KIRREL3: variants seen among roughly 807,000 people sequenced by gnomAD.
KIRREL3 encodes the protein kirre like nephrin family adhesion molecule 3.
In KIRREL3, 36 loss-of-function variants were observed where a neutral mutation model predicts 89.7. The ratio of observed to expected loss-of-function variants is 0.40; its 90% CI spans 0.31 to 0.53. KIRREL3 has a LOEUF of 0.53. Ranked by LOEUF, KIRREL3 falls within the 20% of genes least tolerant of loss-of-function variation. The probability of loss-of-function intolerance (pLI) is 0.49; values close to 1 mark genes in which losing one functional copy is unlikely to be tolerated. For synonymous variants in KIRREL3, 445 were observed against 441.4 expected, an observed-to-expected ratio of 1.01 and a Z score of -0.10; for missense variants, 864 against 1,056.6, an observed-to-expected ratio of 0.82 and a Z score of 2.53.
rs1943569434 is a variant in KIRREL3 at position 126,830,527 on chromosome 11, G to A, written c.55+169928C>T. Among the ~76,000 whole-genome samples the A allele has an allele frequency of 6.6e-6, 1 of 152,166 alleles. No individual in the cohort carries two copies. Among genetic ancestry groups the A allele is most frequent in the Non-Finnish European group, 1.5e-5 (1 of 68,032 alleles). On this transcript the variant is annotated intron_variant, in intron 1 of 16. Coordinates refer to ENST00000525144, the MANE Select transcript of KIRREL3 (RefSeq NM_032531.4). The surrounding 1 kb of genome is among the most constrained non-coding windows in gnomAD (Gnocchi z 4.9). ...AAGGAGCTCACATTTACAATTAAAT[G>A]AGGGACTTATCCTTTTGCATCCCTG...
In KIRREL3 at chr11:126,993,367, T is replaced by C. The variant is rs1360707394; in HGVS notation, c.55+7088A>G. Among the ~76,000 whole-genome samples, 3 of 152,248 alleles carry C rather than the reference T, an allele frequency of 2.0e-5. No individual in the cohort carries two copies. The highest frequency in any genetic ancestry group is 4.8e-5 in the African/African-American group (2 of 41,460). ...GCCCATGGCTTCTGAACATATCGCA[T>C]TCTGTTCTGCCTTTTGTATTTGCAT... On this transcript the variant is annotated intron_variant, in intron 1 of 16. Transcript: ENST00000525144. The surrounding 1 kb of genome is among the most constrained non-coding windows in gnomAD (Gnocchi z 6.1).
rs190484150 is a variant in KIRREL3, at chr11:126,791,428, C to T, written c.55+209027G>A. Among the ~76,000 whole-genome samples, 2 of 152,196 alleles carry T rather than the reference C, an allele frequency of 1.3e-5. No homozygotes were observed. The highest frequency in any genetic ancestry group is 1.9e-4 in the East Asian group (1 of 5,196). On this transcript the variant is annotated intron_variant, in intron 1 of 16. Transcript: ENST00000525144. This position sits in a 1 kb window ranked among gnomAD's most constrained non-coding sequence, Gnocchi z 4.8. ...AGCTTCAGCTTGGCCTCAGCTTATG[C>T]GGAGTGAAAGCCCAGCCACTCCTGA...
rs1940811568 is a variant in KIRREL3, at chr11:126,570,092, A to G, written c.56-7180T>C. On this transcript the variant is annotated intron_variant, in intron 1 of 16. Transcript: ENST00000525144. This position sits in a 1 kb window ranked among gnomAD's most constrained non-coding sequence, Gnocchi z 6.1. ...GAGTAGCAAAGGTATATTAATCCTGACTAGTGCCTGGCCCTGGACCTCCAG... is the reference window on the plus strand; with the variant it reads ...GAGTAGCAAAGGTATATTAATCCTGGCTAGTGCCTGGCCCTGGACCTCCAG... 6.6e-6 allele frequency among the ~76,000 whole-genome samples: 1 copy of G among 152,152 alleles called. No individual in the cohort carries two copies. Among genetic ancestry groups the G allele is most frequent in the South Asian group, 2.1e-4 (1 of 4,818 alleles).
At chr11:126,980,190 G>A (rs1367606145) in intron 1 of KIRREL3, among the ~76,000 whole-genome samples, 1 of 152,172 alleles carries the variant, frequency 6.6e-6, no homozygotes. Flanking sequence ...TAAGCTAAGG[G>A]AACAGCATAA....
In KIRREL3 at chr11:126,791,686, G is replaced by T. The variant is rs2134360638; in HGVS notation, c.55+208769C>A. On this transcript the variant is annotated intron_variant, in intron 1 of 16. Transcript: ENST00000525144. The surrounding 1 kb of genome is among the most constrained non-coding windows in gnomAD (Gnocchi z 4.8). ...CAGGGGCCCAGATTCCCATGGCCAGGCCAGGTGTGAATGAGTCTGAGCCCA... is the reference window on the plus strand; with the variant it reads ...CAGGGGCCCAGATTCCCATGGCCAGTCCAGGTGTGAATGAGTCTGAGCCCA... 6.6e-6 allele frequency among the ~76,000 whole-genome samples: 1 copy of T among 152,330 alleles called. No homozygotes were observed. The highest frequency in any genetic ancestry group is 1.5e-5 in the Non-Finnish European group (1 of 68,036).
At chr11:126,679,609 T>C (rs1296958464) in intron 1 of KIRREL3, among the ~76,000 whole-genome samples, 1 of 152,178 alleles carries the variant, frequency 6.6e-6, no homozygotes, top group Non-Finnish European at 1.5e-5. Context: ...TATTGTGACT[T>C]TGTAGACAGT....
intron 1 of KIRREL3, among the ~76,000 whole-genome samples, chr11:126,634,991 C>T (rs1159068682): frequency 1.3e-5 from 2 of 152,214 alleles, no homozygotes; most frequent in East Asian, 1.9e-4. Flanking sequence ...TTGCTCCACT[C>T]AGCAAGTGGG....
intron 1 of KIRREL3, among the ~76,000 whole-genome samples, chr11:126,593,934 G>A (rs7927242): frequency 0.01 from 1,565 of 152,230 alleles, 26 homozygotes; most frequent in African/African-American, 0.036. Flanking sequence ...CCACCCAGAG[G>A]GCAAGGCCAG....
intron 1 of KIRREL3, among the ~76,000 whole-genome samples, chr11:126,757,411 G>T (rs1949539851): frequency 6.6e-6 from 1 of 152,156 alleles, no homozygotes; most frequent in South Asian, 2.1e-4. Flanking sequence ...CCTCAGCTCA[G>T]ACCTCTGGGA....
At chr11:126,865,524 C>T (rs1944890493) in intron 1 of KIRREL3, among the ~76,000 whole-genome samples, 1 of 152,222 alleles carries the variant, frequency 6.6e-6, no homozygotes, top group Non-Finnish European at 1.5e-5. Context: ...ACAGCAGAAT[C>T]CCATGGGGGT....
chr11:126,994,144 A>G lies in KIRREL3; in HGVS notation c.55+6311T>C, dbSNP rs1950114127. 6.6e-6 allele frequency among the ~76,000 whole-genome samples: 1 copy of G among 152,194 alleles called. No individual in the cohort carries two copies. The highest frequency in any genetic ancestry group is 2.1e-4 in the South Asian group (1 of 4,826). On this transcript the variant is annotated intron_variant, in intron 1 of 16. Transcript: ENST00000525144. The surrounding 1 kb of genome is among the most constrained non-coding windows in gnomAD (Gnocchi z 5.2). ...GTGAGAGCATAGCTCCCATTTGAGA[A>G]AAGTGGCTGATTCTGGAGATATCAC...
chr11:126,745,920 C>T (rs1055541448), intron 1 of KIRREL3, among the ~76,000 whole-genome samples: 2 of 152,224 alleles, frequency 1.3e-5, no homozygotes, highest in Non-Finnish European at 2.9e-5. Context: ...AAGGGGCACA[C>T]TAGTGGTTAC....
rs1591820304 is a variant in KIRREL3 at position 126,615,024 on chromosome 11, GA to G, written c.56-52113del. Among the ~76,000 whole-genome samples, 1 of 152,278 alleles carries G rather than the reference GA, an allele frequency of 6.6e-6. No individual in the cohort carries two copies. Among genetic ancestry groups the G allele is most frequent in the East Asian group, 1.9e-4 (1 of 5,172 alleles). On this transcript the variant is annotated intron_variant, in intron 1 of 16. Coordinates refer to ENST00000525144, the MANE Select transcript of KIRREL3 (RefSeq NM_032531.4). The surrounding 1 kb of genome is among the most constrained non-coding windows in gnomAD (Gnocchi z 5.4). Reference sequence around the variant, plus strand: ...GAGAGGCGTGATTTGCGGTCTTCAAGAGGCTGAAAGGCTGTCATGTGGAAGA... The same window carrying G: ...GAGAGGCGTGATTTGCGGTCTTCAAGGGCTGAAAGGCTGTCATGTGGAAGA...
rs1284548300 is a variant in KIRREL3, at chr11:126,991,890, A to C, written c.55+8565T>G. On this transcript the variant is annotated intron_variant, in intron 1 of 16. Transcript: ENST00000525144. This position sits in a 1 kb window ranked among gnomAD's most constrained non-coding sequence, Gnocchi z 5.8. ...CCAGCATCTTGAGGAACATCAAGGC[A>C]CATGAATAAGTGAACCAGACTGAAA... 6.6e-6 allele frequency among the ~76,000 whole-genome samples: 1 copy of C among 152,236 alleles called. No homozygotes were observed. Among genetic ancestry groups the C allele is most frequent in the African/African-American group, 2.4e-5 (1 of 41,464 alleles).
intron 4 of KIRREL3, among the ~76,000 whole-genome samples, chr11:126,480,815 T>C (rs1383924497): frequency 1.3e-5 from 2 of 152,244 alleles, no homozygotes; most frequent in Admixed American, 6.5e-5. Context: ...ATGTTGTTTG[T>C]AGTCCGCCCA....
chr11:126,716,745 T>G (rs1947977891), intron 1 of KIRREL3, among the ~76,000 whole-genome samples: 1 of 11,376 alleles, frequency 8.8e-5, no homozygotes, highest in Admixed American at 1.3e-3. Context: ...AGTGTGTGTG[T>G]GTTGGGGGGG....
Position 126,697,661 on chromosome 11 carries a change from G to T in KIRREL3, c.56-134749C>A, listed in dbSNP as rs1043447757. On this transcript the variant is annotated intron_variant, in intron 1 of 16. Transcript: ENST00000525144. The surrounding 1 kb of genome is among the most constrained non-coding windows in gnomAD (Gnocchi z 4.2). ...TAATAACCTGAACTCATGTAAAAGT[G>T]GCTCTTTCCTCCCAGTCCAAACCAC... 5.9e-5 allele frequency among the ~76,000 whole-genome samples: 9 copies of T among 152,214 alleles called. No homozygotes were observed. The highest frequency in any genetic ancestry group is 1.2e-4 in the Non-Finnish European group (8 of 68,036).
Position 126,912,850 on chromosome 11 carries a change from C to A in KIRREL3, c.55+87605G>T, listed in dbSNP as rs940337278. Among the ~76,000 whole-genome samples, 1 of 152,242 alleles carries A rather than the reference C, an allele frequency of 6.6e-6. No homozygotes were observed. The highest frequency in any genetic ancestry group is 1.5e-5 in the Non-Finnish European group (1 of 68,050). On this transcript the variant is annotated intron_variant, in intron 1 of 16. Transcript: ENST00000525144. This position sits in a 1 kb window ranked among gnomAD's most constrained non-coding sequence, Gnocchi z 4.7. ...TAGTGATGAAATTTCTTGGCCACTA[C>A]TGGCCATTCATGATCATAATTACCA...
chr11:126,464,200 T>C (rs1047769102), intron 5 of KIRREL3, among the ~76,000 whole-genome samples: 4 of 151,968 alleles, frequency 2.6e-5, no homozygotes, highest in African/African-American at 9.7e-5. Context: ...CAATGACTGG[T>C]GTCCTTGGAA....
Sources: allele counts gnomAD v4.1 joint callset (sites outside exome capture counted in the v4.1 genomes callset), GRCh38; gene constraint gnomAD v4.1.1; non-coding constraint Gnocchi (gnomAD v3.1); transcripts MANE v1.5; gene names NCBI Gene and HGNC (gene_info 2026-07-23, HGNC 2026-07-21).